Variants in C14orf39 observed in about 807,000 individuals in gnomAD.
The protein encoded by C14orf39 is protein SIX6OS1.
In C14orf39, 66 loss-of-function variants were observed where a neutral mutation model predicts 85.6. The observed-to-expected ratio is 0.77, with a 90% CI of 0.63 to 0.95. The LOEUF (loss-of-function observed/expected upper bound fraction) is 0.95, where lower values mean the gene tolerates loss of function less well. Among genes scored for constraint, C14orf39 ranks in the 40% least tolerant of loss-of-function variants. C14orf39 has a pLI of 0.00. For synonymous variants in C14orf39, 242 were observed against 214.0 expected (o/e 1.13, Z -1.14); for missense variants, 735 against 663.9 (o/e 1.11, Z -1.18).
intron 13 of C14orf39, among the ~76,000 whole-genome samples, chr14:60,460,804 C>A (rs961949047): frequency 1.3e-4 from 19 of 151,350 alleles, no homozygotes; most frequent in African/African-American, 4.4e-4. Context: ...CCTTCGGTAA[C>A]TTTATTCAAA....
At chr14:60,442,235 A>G (rs1890550707) in intron 16 of C14orf39, 104 bp from the exon 17 acceptor site, 12 of 669,408 alleles carry the variant, frequency 1.8e-5, no homozygotes, top group Non-Finnish European at 2.8e-5. Flanking sequence ...ACACAGAATT[A>G]AAGTAGACAT....
intron 5 of C14orf39, among the ~76,000 whole-genome samples, chr14:60,477,058 T>C (rs1220128866): frequency 6.6e-6 from 1 of 152,198 alleles, no homozygotes. Context: ...ATTTTTAATC[T>C]AGTTTCTTTA....
intron 16 of C14orf39, among the ~76,000 whole-genome samples, chr14:60,443,259 C>G (rs533579024): frequency 2.0e-5 from 3 of 152,200 alleles, no homozygotes; most frequent in Non-Finnish European, 4.4e-5. Flanking sequence ...GGGGATTTCC[C>G]TTTCCTAGCC....
At chr14:60,474,382 T>C (rs1892262775) in intron 5 of C14orf39, among the ~76,000 whole-genome samples, 1 of 113,498 alleles carries the variant, frequency 8.8e-6, no homozygotes, top group Admixed American at 1.0e-4. Context: ...CCTAATTGAA[T>C]ACCATTTATT....
At chr14:60,509,576 G>A in intron 1 of C14orf39, 1 of 1,612,926 alleles carries the variant, frequency 6.2e-7, no homozygotes, top group Non-Finnish European at 8.5e-7. Context: ...ACGAGCCATC[G>A]TGGCCTTTCA....
At chr14:60,496,091 GT>G in intron 2 of C14orf39, 1 of 744,006 alleles carries the variant, frequency 1.3e-6, no homozygotes. Flanking sequence ...GGCTTCCAGT[GT>G]TCTGACTGAG....
At chr14:60,478,794 G>A (rs1236978785) in intron 4 of C14orf39, among the ~76,000 whole-genome samples, 2 of 152,036 alleles carry the variant, frequency 1.3e-5, no homozygotes, top group African/African-American at 4.8e-5. Context: ...TAGAATAAGG[G>A]CTAAAGAGAG....
At chr14:60,485,108 A>G in intron 1 of C14orf39, 22 bp from the exon 2 acceptor site, 1 of 1,574,238 alleles carries the variant, frequency 6.4e-7, no homozygotes, top group Non-Finnish European at 8.6e-7. Flanking sequence ...GAAAAAAAAA[A>G]TTATAAGATT....
chr14:60,496,206 C>T, intron 2 of C14orf39: 1 of 425,252 alleles, frequency 2.4e-6, no homozygotes, highest in Non-Finnish European at 4.8e-6. Flanking sequence ...ACATGTTCAT[C>T]TGAATTCAGA....
intron 11 of C14orf39, among the ~76,000 whole-genome samples, chr14:60,464,335 A>G (rs1372431381): frequency 2.0e-5 from 3 of 152,174 alleles, no homozygotes; most frequent in Admixed American, 1.3e-4. Flanking sequence ...ATGGCAAGTA[A>G]GAGAAAAACA....
intron 1 of C14orf39, chr14:60,511,567 G>A: frequency 1.9e-6 from 1 of 528,894 alleles, no homozygotes; most frequent in African/African-American, 1.9e-5. Context: ...CGCCTGCCCA[G>A]ATTCTCCCAT....
At chr14:60,510,925 C>T (rs998338578) in intron 1 of C14orf39, among the ~76,000 whole-genome samples, 6 of 152,236 alleles carry the variant, frequency 3.9e-5, no homozygotes, top group African/African-American at 1.4e-4. Context: ...CGGACTCCTG[C>T]CCGACCTCTG....
In C14orf39 at chr14:60,461,532, C is replaced by T. The variant is rs1167956609; in HGVS notation, c.1034G>A (p.Ser345Asn). ...SKCSHITTITSSQKFMQVRLL... is the reference protein window; with the variant it reads ...SKCSHITTITNSQKFMQVRLL... ...CCTGACTTGCATAAACTTTTGTGAA[C>T]TTGTGATAGTCGTAATATGTGAACA... The change falls in exon 12 of 18, where the codon AGT (serine) becomes AAT (asparagine). Residue 345 changes from serine (S) to asparagine (N), a missense_variant. Coordinates refer to ENST00000321731, the MANE Select transcript of C14orf39 (RefSeq NM_174978.3). 1 of 1,592,048 alleles carries T rather than the reference C, an allele frequency of 6.3e-7. No homozygotes were observed. Among genetic ancestry groups the T allele is most frequent in the South Asian group, 1.2e-5 (1 of 86,132 alleles).
chr14:60,492,162 C>T (rs8015263), intron 2 of C14orf39, among the ~76,000 whole-genome samples: 95,845 of 152,016 alleles, frequency 0.63, 31,267 homozygotes, highest in Admixed American at 0.71. Flanking sequence ...TAAAGTCAGG[C>T]GCAATAACTA....
At chr14:60,478,817 C>CTT (rs373840024) in intron 4 of C14orf39, among the ~76,000 whole-genome samples, 65 of 151,868 alleles carry the variant, frequency 4.3e-4, no homozygotes, top group African/African-American at 1.5e-3. Context: ...TTTTTTGCTC[C>CTT]TTTAACACTT....
intron 15 of C14orf39, among the ~76,000 whole-genome samples, chr14:60,455,674 G>C (rs1325049338): frequency 1.3e-5 from 2 of 152,088 alleles, no homozygotes; most frequent in Admixed American, 6.6e-5. Flanking sequence ...TTAAAAGCAT[G>C]GATTCTAGAG....
chr14:60,437,649 A>G (rs1177954792), intron 17 of C14orf39, among the ~76,000 whole-genome samples: 1 of 152,018 alleles, frequency 6.6e-6, no homozygotes, highest in Non-Finnish European at 1.5e-5. Flanking sequence ...ATAAAATAAA[A>G]GTCTATTGTC....
At position 60,436,914 on chromosome 14, in the gene C14orf39, T is replaced by G. The variant is rs1268770044; in HGVS notation, c.1695A>C (p.Ser565=). The change falls in exon 18 of 18, where the codon TCA becomes TCC. Residue 565 remains serine, a synonymous_variant. Coordinates refer to ENST00000321731, the MANE Select transcript of C14orf39 (RefSeq NM_174978.3). The stretch of plus-strand genomic sequence containing the variant: ...AACCTTTTAAAGAAGAAGAAGGTAT[T>G]GAATTTTGACCCTGTCCAAATGAAA... The part of the protein sequence containing the change: ...FPFSFGQGQN[S]IPSSSLKGFS... 18 of 1,612,728 alleles carry G rather than the reference T, an allele frequency of 1.1e-5. No homozygotes were observed. The highest frequency in any genetic ancestry group is 1.5e-5 in the Non-Finnish European group (18 of 1,179,180).
chr14:60,471,352 A>C, intron 7 of C14orf39, 65 bp downstream of exon 7: 1 of 1,202,910 alleles, frequency 8.3e-7, no homozygotes. Context: ...AAACACAGTA[A>C]CAATTAAAAT....
Sources: gnomAD v4.1 joint callset for allele counts (sites outside exome capture counted in the v4.1 genomes callset) on GRCh38, gnomAD v4.1.1 for gene constraint, MANE v1.5 for transcripts, NCBI Gene and HGNC (gene_info 2026-07-23, HGNC 2026-07-21) for gene names.